The following ADAM2 variants were observed in gnomAD, a reference collection of about 807,000 sequenced individuals.
The protein encoded by ADAM2 is disintegrin and metalloproteinase domain-containing protein 2.
A neutral mutation model predicts 99.3 loss-of-function variants in ADAM2; 101 were observed. That is an observed-to-expected ratio of 1.02 (90% CI 0.87 to 1.20). The LOEUF (loss-of-function observed/expected upper bound fraction) is 1.20, where lower values mean the gene tolerates loss of function less well. Among genes scored for constraint, ADAM2 ranks in the 50% most tolerant of loss-of-function variants. The pLI is 0.00. For synonymous variants in ADAM2, 323 were observed against 287.6 expected, an observed-to-expected ratio of 1.12 and a Z score of -1.25; for missense variants, 948 against 878.7, an observed-to-expected ratio of 1.08 and a Z score of -1.00.
At chr8:39,810,128 T>C (rs1369950762) in intron 6 of ADAM2, among the ~76,000 whole-genome samples, 1 of 150,736 alleles carries the variant, frequency 6.6e-6, no homozygotes, top group Non-Finnish European at 1.5e-5. Flanking sequence ...AAGCAGGGGT[T>C]GTAAACCTAG....
intron 10 of ADAM2, among the ~76,000 whole-genome samples, chr8:39,783,348 T>C (rs926140416): frequency 4.6e-5 from 7 of 152,308 alleles, no homozygotes; most frequent in Non-Finnish European, 2.9e-5. Flanking sequence ...CTGAGGTAGG[T>C]TGTTTTTTTC....
At chr8:39,834,615 TC>T (rs1299427389) in intron 2 of ADAM2, among the ~76,000 whole-genome samples, 1 of 150,394 alleles carries the variant, frequency 6.6e-6, no homozygotes, top group Non-Finnish European at 1.5e-5. Context: ...TTGCCTGTAA[TC>T]CCAGATACTG....
intron 11 of ADAM2, among the ~76,000 whole-genome samples, chr8:39,772,004 A>G (rs1802801286): frequency 6.6e-6 from 1 of 151,864 alleles, no homozygotes. Flanking sequence ...GGTGCAGCAC[A>G]CCGAAATGGT....
In ADAM2 at chr8:39,749,506, C is replaced by A; in HGVS notation, c.1876-56G>T. The A allele has an allele frequency of 1.9e-6, 3 of 1,556,676 alleles. No individual in the cohort carries two copies. In the South Asian group the frequency reaches 3.4e-5, roughly 18 times the overall value. ...ATAAGCAACTAGATTTATATATGTT[C>A]AAGTAGAATTATAAAATAATATGTA... On this transcript the variant is annotated intron_variant, in intron 17 of 20. Transcript: ENST00000265708.
In ADAM2 at chr8:39,755,669, T is replaced by G. The variant is rs1586051128; in HGVS notation, c.1797+59A>C. 3.5e-5 allele frequency: 48 copies of G among 1,365,212 alleles called. No individual in the cohort carries two copies. In the East Asian group the frequency reaches 1.1e-3, roughly 32 times the overall value. The allele number at this position is 1,365,212 out of a possible 1,614,324, so 84.6% of individuals were successfully genotyped here. On this transcript the variant is annotated intron_variant, in intron 16 of 20. Transcript: ENST00000265708. Reference sequence around the variant, plus strand: ...AGCCAGGGCAAGAGTGACACTCATCTCAAAAAAGGGCAAAGTCTAAAATAT... The same window carrying G: ...AGCCAGGGCAAGAGTGACACTCATCGCAAAAAAGGGCAAAGTCTAAAATAT...
At chr8:39,775,625 A>G (rs1336715738) in intron 11 of ADAM2, among the ~76,000 whole-genome samples, 2 of 152,144 alleles carry the variant, frequency 1.3e-5, no homozygotes, top group Non-Finnish European at 2.9e-5. Flanking sequence ...TTAAAATTGG[A>G]CTGAGGTTTG....
At chr8:39,832,128 T>G (rs1225167892) in intron 3 of ADAM2, among the ~76,000 whole-genome samples, 1 of 152,188 alleles carries the variant, frequency 6.6e-6, no homozygotes, top group Non-Finnish European at 1.5e-5. Flanking sequence ...CTTCTCAGGT[T>G]TCTCAAGGAC....
At chr8:39,833,865 A>T (rs893745014) in intron 3 of ADAM2, 79 bp downstream of exon 3, 25 of 811,976 alleles carry the variant, frequency 3.1e-5, no homozygotes, top group Non-Finnish European at 5.2e-5. Flanking sequence ...CAAATACAAA[A>T]TAATTACATT....
chr8:39,825,623 GA>G (rs767288150), intron 3 of ADAM2, among the ~76,000 whole-genome samples: 7 of 147,936 alleles, frequency 4.7e-5, no homozygotes, highest in African/African-American at 1.5e-4. Flanking sequence ...ATCATCAAAA[GA>G]AAAAAAAAGA....
intron 7 of ADAM2, among the ~76,000 whole-genome samples, chr8:39,798,890 C>T (rs1804087863): frequency 6.6e-6 from 1 of 152,018 alleles, no homozygotes; most frequent in South Asian, 2.1e-4. Flanking sequence ...GGTGATATCC[C>T]CTTTATCATT....
intron 16 of ADAM2, among the ~76,000 whole-genome samples, chr8:39,754,835 TA>T (rs890189638): frequency 3.9e-5 from 6 of 152,142 alleles, no homozygotes; most frequent in African/African-American, 1.2e-4. Flanking sequence ...TTTCATATAA[TA>T]AAAAAATCTA....
At chr8:39,827,250 C>G (rs1805446508) in intron 3 of ADAM2, among the ~76,000 whole-genome samples, 1 of 151,958 alleles carries the variant, frequency 6.6e-6, no homozygotes, top group South Asian at 2.1e-4. Flanking sequence ...TTGGCAAGGA[C>G]ATGGAGAAAG....
chr8:39,806,973 G>A (rs913117293), intron 7 of ADAM2, among the ~76,000 whole-genome samples: 11 of 152,130 alleles, frequency 7.2e-5, no homozygotes, highest in Non-Finnish European at 1.5e-4. Context: ...GCTAATAATA[G>A]AGAAGAGGAA....
chr8:39,818,478 G>A (rs1324384215), intron 6 of ADAM2, among the ~76,000 whole-genome samples: 1 of 151,980 alleles, frequency 6.6e-6, no homozygotes, highest in Admixed American at 6.6e-5. Context: ...ACATGCTTAA[G>A]GGTGACAGAC....
chr8:39,803,394 A>G (rs111492748), intron 7 of ADAM2, among the ~76,000 whole-genome samples: 36 of 152,316 alleles, frequency 2.4e-4, no homozygotes, highest in African/African-American at 7.7e-4. Context: ...TTTTCAAAAC[A>G]AATAGGGGAT....
rs116047564 is a variant in ADAM2 at position 39,786,595 on chromosome 8, T to C, written c.891+379A>G. Among the ~76,000 whole-genome samples, 686 of 152,268 alleles carry C rather than the reference T, an allele frequency of 4.5e-3. 6 individuals are homozygous for C. The highest frequency in any genetic ancestry group is 0.015 in the African/African-American group (644 of 41,558). ...AAGCATTTTAAGGCGACTGATACTT[T>C]CAAATGTTTTATTTTAATCTGGTTA... On this transcript the variant is annotated intron_variant, in intron 10 of 20. Transcript: ENST00000265708.
intron 7 of ADAM2, among the ~76,000 whole-genome samples, chr8:39,803,628 G>C (rs1381502121): frequency 1.3e-5 from 2 of 152,146 alleles, no homozygotes; most frequent in African/African-American, 4.8e-5. Flanking sequence ...ATTAATTGCT[G>C]ATAAAAGCCA....
At chr8:39,766,820 ATAT>A in intron 14 of ADAM2, 25 bp downstream of exon 14, 1 of 1,511,978 alleles carries the variant, frequency 6.6e-7, no homozygotes, top group South Asian at 1.2e-5. Flanking sequence ...AAAAACGCAT[ATAT>A]GAGAAATCAA....
Position 39,777,171 on chromosome 8 carries a change from A to T in ADAM2, c.892-10T>A. 6.3e-7 allele frequency: 1 copy of T among 1,595,494 alleles called. No individual in the cohort carries two copies. The highest frequency in any genetic ancestry group is 8.5e-7 in the Non-Finnish European group (1 of 1,172,952). On this transcript the variant is annotated splice_polypyrimidine_tract_variant and intron_variant, in intron 10 of 20. Coordinates refer to ENST00000265708, the MANE Select transcript of ADAM2 (RefSeq NM_001464.5). ...TTATGGTTCTGGGGTGCTGAGAAAA[A>T]AAAATAGATGTACACGTTTTGGGAG...
Sources: gnomAD v4.1 joint callset for allele counts (sites outside exome capture counted in the v4.1 genomes callset) on GRCh38, gnomAD v4.1.1 for gene constraint, MANE v1.5 for transcripts, NCBI Gene and HGNC (gene_info 2026-07-23, HGNC 2026-07-21) for gene names.